The following RYR3 variants were observed in gnomAD, a reference collection of about 807,000 sequenced individuals.
RYR3 encodes brain ryanodine receptor-calcium release channel.
In RYR3, 207 loss-of-function variants were observed where a neutral mutation model predicts 584.3. That is an observed-to-expected ratio of 0.35 (90% CI 0.32 to 0.40). The LOEUF is 0.40. Ranked by LOEUF, RYR3 falls within the 10% of genes least tolerant of loss-of-function variation. The probability of loss-of-function intolerance (pLI) is 1.00; values close to 1 mark genes in which losing one functional copy is unlikely to be tolerated. For synonymous variants in RYR3, 2,416 were observed against 2,248.5 expected (o/e 1.07, Z -2.11); for missense variants, 5,616 against 6,089.2 (o/e 0.92, Z 2.59).
At chr15:33,677,757 C>T (rs1054642864) in intron 38 of RYR3, among the ~76,000 whole-genome samples, 1 of 152,108 alleles carries the variant, frequency 6.6e-6, no homozygotes, top group Non-Finnish European at 1.5e-5. Context: ...AGGCTCTGCT[C>T]AAGGTAGAAA....
At chr15:33,379,685 C>CTATATATATATA (rs1234432644) in intron 1 of RYR3, among the ~76,000 whole-genome samples, 2 of 117,844 alleles carry the variant, frequency 1.7e-5, no homozygotes, top group African/African-American at 8.0e-5. Flanking sequence ...CTCTCTCTCT[C>CTATATATATATA]TCTATATATA....
chr15:33,421,078 G>A (rs192391585), intron 1 of RYR3, among the ~76,000 whole-genome samples: 72 of 152,214 alleles, frequency 4.7e-4, no homozygotes, highest in Admixed American at 2.2e-3. Context: ...TGAGAGGAGG[G>A]ATTTCACTTA....
chr15:33,327,596 A>C (rs1969877377), intron 1 of RYR3, among the ~76,000 whole-genome samples: 1 of 152,224 alleles, frequency 6.6e-6, no homozygotes, highest in African/African-American at 2.4e-5. Flanking sequence ...TCTGAACTAA[A>C]CAATCAGGTG....
At chr15:33,473,251 T>A in intron 1 of RYR3, 168 bp from the exon 2 acceptor site, 1 of 814,948 alleles carries the variant, frequency 1.2e-6, no homozygotes, top group East Asian at 2.5e-5. Context: ...TGCTCCGTGA[T>A]GTCCTGTGAA....
At chr15:33,754,195 CT>C (rs2071591400) in intron 57 of RYR3, among the ~76,000 whole-genome samples, 1 of 152,092 alleles carries the variant, frequency 6.6e-6, no homozygotes, top group Non-Finnish European at 1.5e-5. Context: ...TCATGCTATC[CT>C]CATCCTCCTG....
intron 43 of RYR3, among the ~76,000 whole-genome samples, chr15:33,709,353 T>C (rs924326815): frequency 1.3e-5 from 2 of 152,172 alleles, no homozygotes; most frequent in African/African-American, 4.8e-5. Flanking sequence ...GAGATAAGCT[T>C]TGAAAGGTCA....
At chr15:33,864,083 C>CTTGGGTCTTGACCAGAGTACCT in intron 102 of RYR3, 55 bp from the exon 103 acceptor site, 1 of 1,332,590 alleles carries the variant, frequency 7.5e-7, no homozygotes, top group Non-Finnish European at 1.1e-6. Context: ...TTAATCCATG[C>CTTGGGTCTTGACCAGAGTACCT]GAATGAACTT....
chr15:33,374,359 A>AGTGTAT (rs1268382544), intron 1 of RYR3, among the ~76,000 whole-genome samples: 1 of 128,552 alleles, frequency 7.8e-6, no homozygotes, highest in African/African-American at 3.2e-5. Flanking sequence ...TTCCTGTACG[A>AGTGTAT]GTGTATGTGT....
At chr15:33,815,676 A>G (rs1445686088) in intron 74 of RYR3, among the ~76,000 whole-genome samples, 1 of 152,222 alleles carries the variant, frequency 6.6e-6, no homozygotes, top group Non-Finnish European at 1.5e-5. Context: ...TTTCATAACA[A>G]CAGAGAAGCT....
chr15:33,498,522 T>C (rs1213431452), intron 2 of RYR3, among the ~76,000 whole-genome samples: 1 of 152,112 alleles, frequency 6.6e-6, no homozygotes, highest in Non-Finnish European at 1.5e-5. Flanking sequence ...GTAGTTGAGT[T>C]TTTTTGGCGG....
intron 38 of RYR3, among the ~76,000 whole-genome samples, chr15:33,694,040 A>T (rs560053028): frequency 6.6e-6 from 1 of 152,126 alleles, no homozygotes. Flanking sequence ...TGAAAATCTC[A>T]AAAGTTTTGT....
chr15:33,713,797 T>C (rs1004540990), intron 43 of RYR3, among the ~76,000 whole-genome samples: 26 of 152,284 alleles, frequency 1.7e-4, no homozygotes, highest in African/African-American at 5.8e-4. Context: ...AGATGGTGCC[T>C]TCTCACTTTG....
chr15:33,539,358 T>C lies in RYR3; in HGVS notation c.442T>C (p.Cys148Arg), dbSNP rs1477836533. ...GLREHATGEA[C>R]WWTIHPASKQ... ...AAGGAGCCTTCATGTAGGAGAAGCC[T>C]GTTGGTGGACTATACATCCTGCTTC... is the stretch of plus-strand genomic sequence containing the variant. Residue 148 changes from cysteine (C) to arginine (R), a missense_variant, in exon 6 of 104, where the codon TGT becomes CGT. Transcript: ENST00000634891. 6.3e-7 allele frequency: 1 copy of C among 1,588,888 alleles called. No individual in the cohort carries two copies. The highest frequency in any genetic ancestry group is 1.2e-5 in the South Asian group (1 of 86,882).
intron 43 of RYR3, among the ~76,000 whole-genome samples, chr15:33,717,702 T>C (rs775862831): frequency 1.1e-4 from 16 of 152,204 alleles, no homozygotes; most frequent in Non-Finnish European, 1.2e-4. Context: ...CTTACATATC[T>C]GCAAGGTGGT....
intron 28 of RYR3, among the ~76,000 whole-genome samples, chr15:33,646,102 C>G (rs564045632): frequency 6.6e-6 from 1 of 152,214 alleles, no homozygotes; most frequent in Non-Finnish European, 1.5e-5. Flanking sequence ...ATTCTCCACC[C>G]TTGGCCTTAC....
chr15:33,585,842 A>T (rs911044080), intron 15 of RYR3, among the ~76,000 whole-genome samples, 156 bp from the exon 16 acceptor site: 7 of 152,188 alleles, frequency 4.6e-5, no homozygotes, highest in African/African-American at 1.7e-4. Flanking sequence ...ACCGGAAATG[A>T]TGCATTTTTT....
In RYR3 at chr15:33,780,359, A is replaced by C; in HGVS notation, c.9268+18A>C. On this transcript the variant is annotated intron_variant, in intron 65 of 103. Coordinates refer to ENST00000634891, the MANE Select transcript of RYR3 (RefSeq NM_001036.6). ...GAGGTCTAGTAAGTATCTCCCCTCA[A>C]AGGTCATCAACCCATTTCATGTGCT... The C allele has an allele frequency of 6.2e-7, 1 of 1,612,418 alleles. No individual in the cohort carries two copies. Among genetic ancestry groups the C allele is most frequent in the South Asian group, 1.1e-5 (1 of 90,756 alleles).
chr15:33,335,998 A>C (rs1822074685), intron 1 of RYR3, among the ~76,000 whole-genome samples: 1 of 152,190 alleles, frequency 6.6e-6, no homozygotes, highest in African/African-American at 2.4e-5. Context: ...AAATAAAAGA[A>C]AAGATTTCAT....
intron 31 of RYR3, among the ~76,000 whole-genome samples, chr15:33,650,146 A>C (rs941454083): frequency 3.3e-5 from 5 of 152,176 alleles, no homozygotes; most frequent in African/African-American, 1.2e-4. Context: ...TGGGAGGCCA[A>C]GGCGGGCGGA....
Sources: gnomAD v4.1 joint callset for allele counts (sites outside exome capture counted in the v4.1 genomes callset) on GRCh38, gnomAD v4.1.1 for gene constraint, MANE v1.5 for transcripts, NCBI Gene and HGNC (gene_info 2026-07-23, HGNC 2026-07-21) for gene names.